Variants in RIT2 observed in about 807,000 individuals in gnomAD.
RIT2 encodes Ras like without CAAX 2, also known as GTP-binding protein Rit2.
In RIT2, 24 loss-of-function variants were observed where a neutral mutation model predicts 23.7. That is an observed-to-expected ratio of 1.01 (90% CI 0.73 to 1.43). The LOEUF is 1.43. Ranked by LOEUF, RIT2 falls within the 40% of genes most tolerant of loss-of-function variation. RIT2 has a pLI of 0.00. For synonymous variants in RIT2, 107 were observed against 91.1 expected, an observed-to-expected ratio of 1.17 and a Z score of -0.99; for missense variants, 236 against 266.9, an observed-to-expected ratio of 0.88 and a Z score of 0.81.
At chr18:42,858,682 T>A (rs1457453967) in intron 4 of RIT2, among the ~76,000 whole-genome samples, 1 of 152,234 alleles carries the variant, frequency 6.6e-6, no homozygotes, top group Non-Finnish European at 1.5e-5. Flanking sequence ...AGAAACTTCA[T>A]AGACATTTGA....
At chr18:42,820,250 C>T (rs573457434) in intron 4 of RIT2, among the ~76,000 whole-genome samples, 1 of 152,138 alleles carries the variant, frequency 6.6e-6, no homozygotes, top group South Asian at 2.1e-4. Context: ...TTCATTTAAT[C>T]ACTACATTTA....
chr18:43,115,277 A>G lies in RIT2; in HGVS notation c.103+140T>C, dbSNP rs1421350887. 3 of 1,023,906 alleles carry G rather than the reference A, an allele frequency of 2.9e-6. No homozygotes were observed. The African/African-American group carries it at 4.9e-5, about 17-fold the overall frequency. 63.4% of individuals were successfully genotyped at this position (1,023,906 alleles called of 1,614,324 possible). On this transcript the variant is annotated intron_variant, in intron 1 of 4. Coordinates refer to ENST00000326695, the MANE Select transcript of RIT2 (RefSeq NM_002930.4). ...CGGTTTAACAGTCCTGACACTTTGG[A>G]GCATCCTGCCAGACCCATACTCTGT...
At chr18:43,008,697 T>A (rs1235689822) in intron 2 of RIT2, among the ~76,000 whole-genome samples, 1 of 151,622 alleles carries the variant, frequency 6.6e-6, no homozygotes, top group Admixed American at 6.6e-5. Context: ...GGGCACATTT[T>A]ATATTATCAT....
intron 4 of RIT2, among the ~76,000 whole-genome samples, chr18:42,903,029 CGAG>C: frequency 6.6e-6 from 1 of 151,580 alleles, no homozygotes; most frequent in East Asian, 1.9e-4. Context: ...TCAAAAAGAT[CGAG>C]GAGGCATAAA....
rs1422678385 is a variant in RIT2, at chr18:42,930,476, G to T, written c.235-6713C>A. 2.0e-5 allele frequency among the ~76,000 whole-genome samples: 3 copies of T among 152,018 alleles called. No homozygotes were observed. The East Asian group carries it at 5.8e-4, about 29-fold the overall frequency. On this transcript the variant is annotated intron_variant, in intron 3 of 4. Transcript: ENST00000326695. ...TATAGAGATATTAAATGAGATGGTC[G>T]AAGTCCTAGAGCTATCAAGTAGAAA...
chr18:42,813,175 T>TA, intron 4 of RIT2, among the ~76,000 whole-genome samples: 1 of 152,244 alleles, frequency 6.6e-6, no homozygotes, highest in East Asian at 1.9e-4. Context: ...AGAGAGTTTT[T>TA]ACTAAAGTTT....
At chr18:43,060,033 C>T (rs1010288863) in intron 1 of RIT2, among the ~76,000 whole-genome samples, 14 of 152,052 alleles carry the variant, frequency 9.2e-5, no homozygotes, top group African/African-American at 2.9e-4. Context: ...GTCTTTATTC[C>T]GTTTGTGAAC....
rs187883808 is a variant in RIT2, at chr18:42,964,407, T to G, written c.234+9667A>C. Among the ~76,000 whole-genome samples, 27 of 151,876 alleles carry G rather than the reference T, an allele frequency of 1.8e-4. No individual in the cohort carries two copies. In the East Asian group the frequency reaches 2.7e-3, roughly 15 times the overall value. ...GCCCACAAGGAAATTCCTAGTGAGCTCCAAGATTTTTACCCTAAAGTGTTT... is the reference window on the plus strand; with the variant it reads ...GCCCACAAGGAAATTCCTAGTGAGCGCCAAGATTTTTACCCTAAAGTGTTT... On this transcript the variant is annotated intron_variant, in intron 3 of 4. Transcript: ENST00000326695.
In RIT2 at chr18:42,974,494, T is replaced by G. The variant is rs185313590; in HGVS notation, c.161-347A>C. ...ACCTTAATGGTAAAGTCCTGAAAGC[T>G]TTTATTAGAAGATCAGGAGTAAGAC... On this transcript the variant is annotated intron_variant, in intron 2 of 4. Coordinates refer to ENST00000326695, the MANE Select transcript of RIT2 (RefSeq NM_002930.4). 1.6e-4 allele frequency among the ~76,000 whole-genome samples: 24 copies of G among 152,112 alleles called. No individual in the cohort carries two copies. In the East Asian group the frequency reaches 4.7e-3, roughly 30 times the overall value.
intron 4 of RIT2, among the ~76,000 whole-genome samples, chr18:42,874,193 G>A (rs555331585): frequency 6.6e-6 from 1 of 152,048 alleles, no homozygotes; most frequent in Non-Finnish European, 1.5e-5. Flanking sequence ...GATATGTAAT[G>A]GTCTTTCTTA....
intron 3 of RIT2, among the ~76,000 whole-genome samples, chr18:42,929,059 T>TA (rs1307173363): frequency 1.4e-4 from 7 of 50,244 alleles, no homozygotes; most frequent in African/African-American, 4.3e-4. Context: ...ATATATATAT[T>TA]TATATGAGAC....
intron 4 of RIT2, chr18:42,920,864 A>G: frequency 1.3e-6 from 1 of 758,244 alleles, no homozygotes; most frequent in Non-Finnish European, 2.2e-6. Flanking sequence ...TAACTTTATC[A>G]CTCTAGGAAT....
At chr18:42,767,710 C>T (rs1221544151) in intron 4 of RIT2, among the ~76,000 whole-genome samples, 3 of 152,112 alleles carry the variant, frequency 2.0e-5, no homozygotes, top group Non-Finnish European at 2.9e-5. Flanking sequence ...CAGATCTCAA[C>T]TTGAATTGTA....
intron 4 of RIT2, among the ~76,000 whole-genome samples, chr18:42,831,644 A>T (rs1235709919): frequency 1.3e-5 from 2 of 152,142 alleles, no homozygotes; most frequent in African/African-American, 4.8e-5. Flanking sequence ...AGAGAACTGG[A>T]GGCAGGAAGA....
At chr18:42,797,709 G>A (rs1038441230) in intron 4 of RIT2, among the ~76,000 whole-genome samples, 2 of 152,082 alleles carry the variant, frequency 1.3e-5, no homozygotes, top group Non-Finnish European at 1.5e-5. Flanking sequence ...CTCATTAGCC[G>A]AGTTCGACAA....
intron 1 of RIT2, among the ~76,000 whole-genome samples, chr18:43,077,102 C>CAAAAAAAAAAA (rs34419558): frequency 1.5e-4 from 12 of 80,240 alleles, no homozygotes; most frequent in East Asian, 9.3e-4. Flanking sequence ...GACTCCGTCT[C>CAAAAAAAAAAA]AAAAAAAAAA....
At chr18:42,852,691 T>A (rs1406756866) in intron 4 of RIT2, among the ~76,000 whole-genome samples, 2 of 152,154 alleles carry the variant, frequency 1.3e-5, no homozygotes, top group Non-Finnish European at 2.9e-5. Flanking sequence ...TAGTTTCTAA[T>A]TTACATGTCC....
intron 2 of RIT2, among the ~76,000 whole-genome samples, chr18:43,023,543 A>G (rs1369498739): frequency 6.6e-6 from 1 of 152,106 alleles, no homozygotes; most frequent in Non-Finnish European, 1.5e-5. Flanking sequence ...TTTCACATAA[A>G]AATCATGGAA....
At chr18:42,753,015 G>A (rs898005149) in intron 4 of RIT2, among the ~76,000 whole-genome samples, 1 of 152,120 alleles carries the variant, frequency 6.6e-6, no homozygotes, top group East Asian at 1.9e-4. Flanking sequence ...GAAGATCACC[G>A]TGTAATATGC....
Sources: gnomAD v4.1 joint callset for allele counts (sites outside exome capture counted in the v4.1 genomes callset) on GRCh38, gnomAD v4.1.1 for gene constraint, MANE v1.5 for transcripts, NCBI Gene and HGNC (gene_info 2026-07-23, HGNC 2026-07-21) for gene names.